Variants in LAMA1 observed in about 807,000 individuals in gnomAD.
The protein encoded by LAMA1 is laminin subunit alpha-1.
A neutral mutation model predicts 348.7 loss-of-function variants in LAMA1; 219 were observed. That is an observed-to-expected ratio of 0.63 (90% CI 0.56 to 0.70). The LOEUF (loss-of-function observed/expected upper bound fraction) is 0.70, where lower values mean the gene tolerates loss of function less well. Ranked by LOEUF, LAMA1 falls within the 30% of genes least tolerant of loss-of-function variation. LAMA1 has a pLI of 0.00. For missense variants in LAMA1, 3,744 were observed against 3,888.0 expected (o/e 0.96, Z 0.99); for synonymous variants, 1,487 against 1,491.0 (o/e 1.00, Z 0.06).
At chr18:6,979,876 G>A (rs946473131) in intron 42 of LAMA1, among the ~76,000 whole-genome samples, 7 of 152,312 alleles carry the variant, frequency 4.6e-5, no homozygotes, top group Admixed American at 6.5e-5. Flanking sequence ...TCCAGCCTGG[G>A]CGACAGAGCG....
chr18:7,117,609 C>A (rs1443107576), intron 1 of LAMA1, 51 bp downstream of exon 1: 1 of 1,569,300 alleles, frequency 6.4e-7, no homozygotes, highest in Admixed American at 1.7e-5. Flanking sequence ...CGGCCGCCCC[C>A]GCCCGCCCGC....
Position 7,022,882 on chromosome 18 carries a change from G to C in LAMA1, c.2701+282C>G, listed in dbSNP as rs185418729. 1.6e-4 allele frequency among the ~76,000 whole-genome samples: 24 copies of C among 152,298 alleles called. No individual in the cohort carries two copies. The East Asian group carries it at 3.3e-3, about 21-fold the overall frequency. On this transcript the variant is annotated intron_variant, in intron 19 of 62. Coordinates refer to ENST00000389658, the MANE Select transcript of LAMA1 (RefSeq NM_005559.4). Reference sequence around the variant, plus strand: ...ACTTTCATTTCAGTCACGGGGAGCAGAGCCGGAACTCTGTCAAGTCACACT... The same window carrying C: ...ACTTTCATTTCAGTCACGGGGAGCACAGCCGGAACTCTGTCAAGTCACACT...
chr18:6,949,852 T>C (rs2057538429), intron 58 of LAMA1, among the ~76,000 whole-genome samples: 1 of 152,242 alleles, frequency 6.6e-6, no homozygotes, highest in Non-Finnish European at 1.5e-5. Context: ...GCCTGAATTC[T>C]GCTAAGATAC....
intron 3 of LAMA1, chr18:7,079,683 C>G: frequency 2.3e-6 from 1 of 442,544 alleles, no homozygotes; most frequent in Admixed American, 3.6e-5. Flanking sequence ...AGCCAGCAAA[C>G]AGCCTGACAT....
At chr18:7,050,404 A>C (rs1204129740) in intron 4 of LAMA1, among the ~76,000 whole-genome samples, 1 of 152,190 alleles carries the variant, frequency 6.6e-6, no homozygotes, top group Non-Finnish European at 1.5e-5. Context: ...CTAATATTTC[A>C]ACAAACATTC....
intron 53 of LAMA1, among the ~76,000 whole-genome samples, chr18:6,961,102 A>G (rs1165016447): frequency 6.6e-6 from 1 of 152,156 alleles, no homozygotes; most frequent in Non-Finnish European, 1.5e-5. Flanking sequence ...AATAAGGAAA[A>G]TGGTCATCAT....
rs182826194 is a variant in LAMA1 at position 7,106,596 on chromosome 18, G to A, written c.61+11064C>T. Among the ~76,000 whole-genome samples the A allele has an allele frequency of 6.4e-4, 97 of 152,182 alleles. 1 individual carries two copies. Among genetic ancestry groups the A allele is most frequent in the Middle Eastern group, 3.4e-3 (1 of 294 alleles). ...GATGGTTTCGAGCTCTTGACCTCGT[G>A]ATCCACCCGCCTTGGCCCCTCCCAA... is the stretch of plus-strand genomic sequence containing the variant. On this transcript the variant is annotated intron_variant, in intron 1 of 62. Transcript: ENST00000389658.
chr18:7,089,124 A>G (rs545090830), intron 1 of LAMA1, among the ~76,000 whole-genome samples: 58 of 152,272 alleles, frequency 3.8e-4, no homozygotes, highest in Middle Eastern at 6.8e-3. Flanking sequence ...CATGCCTGTA[A>G]TCTCAGCACG....
chr18:7,022,878 A>G (rs2057924388), intron 19 of LAMA1, among the ~76,000 whole-genome samples: 1 of 151,952 alleles, frequency 6.6e-6, no homozygotes, highest in African/African-American at 2.4e-5. Context: ...AGTCACGGGG[A>G]GCAGAGCCGG....
intron 40 of LAMA1, 146 bp from the exon 41 acceptor site, chr18:6,982,736 T>C (rs2057717719): frequency 2.7e-6 from 2 of 748,342 alleles, no homozygotes; most frequent in Non-Finnish European, 4.8e-6. Context: ...CAATTTAAAA[T>C]GGCTGAGGCA....
At position 7,002,248 on chromosome 18, in the gene LAMA1, C is replaced by T. The variant is rs551476839; in HGVS notation, c.4382+16G>A. On this transcript the variant is annotated intron_variant, in intron 30 of 62. Transcript: ENST00000389658. ...CTGGGCAGCCCAGCATGCCAGCTGC[C>T]CCTGTGGGGACTCACCTGGCAGGAG... The T allele has an allele frequency of 1.3e-4, 208 of 1,609,944 alleles. No individual in the cohort carries two copies. The highest frequency in any genetic ancestry group is 1.7e-4 in the Non-Finnish European group (203 of 1,179,876).
At chr18:7,013,776 C>G (rs774365796) in intron 23 of LAMA1, 39 bp downstream of exon 23, 2 of 1,595,216 alleles carry the variant, frequency 1.3e-6, no homozygotes, top group Non-Finnish European at 1.7e-6. Context: ...TGATGAGGAG[C>G]CAGAGACAGG....
intron 4 of LAMA1, 38 bp from the exon 5 acceptor site, chr18:7,049,295 G>GTTTATTTA (rs34279019): frequency 2.0e-6 from 3 of 1,505,224 alleles, no homozygotes; most frequent in Middle Eastern, 1.7e-4. Context: ...AATGTCAATT[G>GTTTATTTA]TTTATTTATT....
intron 31 of LAMA1, 91 bp downstream of exon 31, chr18:6,999,820 T>A: frequency 7.6e-7 from 1 of 1,310,270 alleles, no homozygotes; most frequent in South Asian, 1.2e-5. Context: ...TAATTGATAA[T>A]GGCTCCCAGA....
chr18:7,066,887 C>T (rs981103443), intron 3 of LAMA1, among the ~76,000 whole-genome samples: 1 of 152,002 alleles, frequency 6.6e-6, no homozygotes, highest in African/African-American at 2.4e-5. Flanking sequence ...TTTTTGGAAT[C>T]GACACTAAAA....
chr18:6,992,541 C>A lies in LAMA1; in HGVS notation c.5168+20G>T, dbSNP rs747720725. On this transcript the variant is annotated intron_variant, in intron 36 of 62. Transcript: ENST00000389658. ...TCTCTCTCTACTTGGTTGCATTGCA[C>A]ACAGTAATTAGAAACTTACTTGAGT... 6.2e-7 allele frequency: 1 copy of A among 1,613,472 alleles called. No homozygotes were observed. The highest frequency in any genetic ancestry group is 1.1e-5 in the South Asian group (1 of 91,076).
At chr18:7,108,623 T>TCCAGCCTG (rs1185646652) in intron 1 of LAMA1, among the ~76,000 whole-genome samples, 1,552 of 107,602 alleles carry the variant, frequency 0.014, 41 homozygotes, top group African/African-American at 0.054. Flanking sequence ...GCCACTGCAC[T>TCCAGCCTG]GAGACAGACT....
intron 36 of LAMA1, among the ~76,000 whole-genome samples, chr18:6,987,066 T>C (rs1412091241): frequency 2.0e-5 from 3 of 152,150 alleles, no homozygotes; most frequent in African/African-American, 4.8e-5. Context: ...GCCCAAAGCT[T>C]TACTTCTTTT....
At chr18:7,117,319 G>A in intron 1 of LAMA1, among the ~76,000 whole-genome samples, 1 of 147,692 alleles carries the variant, frequency 6.8e-6, no homozygotes, top group South Asian at 2.2e-4. Flanking sequence ...GCCCCGCTCC[G>A]GGCGCCCCGC....
Sources: gnomAD v4.1 joint callset for allele counts (sites outside exome capture counted in the v4.1 genomes callset) on GRCh38, gnomAD v4.1.1 for gene constraint, MANE v1.5 for transcripts, NCBI Gene and HGNC (gene_info 2026-07-23, HGNC 2026-07-21) for gene names.